Variants in TET2 observed in about 807,000 individuals in gnomAD.
TET2 encodes methylcytosine dioxygenase TET2.
In TET2, 299 loss-of-function variants were observed where a neutral mutation model predicts 142.9. The ratio of observed to expected loss-of-function variants is 2.09; its 90% CI spans 1.90 to 2.30. The LOEUF is 2.30. Ranked by LOEUF, TET2 falls within the 30% of genes most tolerant of loss-of-function variation. The pLI is 0.00. For missense variants in TET2, 2,418 were observed against 2,378.0 expected, an observed-to-expected ratio of 1.02 and a Z score of -0.35; for synonymous variants, 819 against 849.0, an observed-to-expected ratio of 0.96 and a Z score of 0.61.
At chr4:105,257,009 T>C (rs1730170520) in intron 6 of TET2, among the ~76,000 whole-genome samples, 1 of 152,242 alleles carries the variant, frequency 6.6e-6, no homozygotes, top group Admixed American at 6.5e-5. Context: ...TATTTGGGCA[T>C]ACATGAAATA....
chr4:105,190,088 G>A (rs1725694676), intron 1 of TET2, among the ~76,000 whole-genome samples: 1 of 152,178 alleles, frequency 6.6e-6, no homozygotes, highest in African/African-American at 2.4e-5. Context: ...ATAAGCCACT[G>A]GCTCTTAAGC....
At position 105,218,717 on chromosome 4, in the gene TET2, A is replaced by G. The variant is rs115100924; in HGVS notation, c.-46-15180A>G. On this transcript the variant is annotated intron_variant, in intron 2 of 10. Coordinates refer to ENST00000380013, the MANE Select transcript of TET2 (RefSeq NM_001127208.3). ...CAGCATTCTTGTTCTGACTGTGTCT[A>G]TGTCCTGTAGGTATATGTCTTGTCT... Among the ~76,000 whole-genome samples, 310 of 152,166 alleles carry G rather than the reference A, an allele frequency of 2.0e-3. 1 individual carries two copies. Among genetic ancestry groups the G allele is most frequent in the African/African-American group, 7.0e-3 (290 of 41,554 alleles).
chr4:105,178,710 A>G (rs1399806290), intron 1 of TET2, among the ~76,000 whole-genome samples: 1 of 152,146 alleles, frequency 6.6e-6, no homozygotes, highest in African/African-American at 2.4e-5. Flanking sequence ...CTGTGAATCA[A>G]TTTTACTGTA....
intron 9 of TET2, 115 bp from the exon 10 acceptor site, chr4:105,272,449 G>C: frequency 1.5e-6 from 1 of 681,292 alleles, no homozygotes; most frequent in South Asian, 2.0e-5. Context: ...CACTGATCTG[G>C]ATCAACTAGG....
intron 2 of TET2, among the ~76,000 whole-genome samples, chr4:105,196,219 G>A (rs939514591): frequency 1.3e-5 from 2 of 149,720 alleles, no homozygotes; most frequent in African/African-American, 5.0e-5. Context: ...CCATTCTTAA[G>A]TGCAAATCTG....
At chr4:105,243,539 G>A (rs1340291216) in intron 5 of TET2, 31 bp from the exon 6 acceptor site, 4 of 1,545,572 alleles carry the variant, frequency 2.6e-6, no homozygotes, top group Admixed American at 2.0e-5. Context: ...TGGGGTGGGG[G>A]GTGTTTGGGA....
chr4:105,174,429 A>G (rs1160360070), intron 1 of TET2, among the ~76,000 whole-genome samples: 1 of 152,200 alleles, frequency 6.6e-6, no homozygotes, highest in African/African-American at 2.4e-5. Flanking sequence ...ACAAGTAAAA[A>G]GCTGAATGAA....
chr4:105,170,109 G>A (rs2023841), intron 1 of TET2, among the ~76,000 whole-genome samples: 4,903 of 152,192 alleles, frequency 0.032, 250 homozygotes, highest in East Asian at 0.19. Flanking sequence ...CTAATTCTGT[G>A]AAGAATGATG....
intron 1 of TET2, among the ~76,000 whole-genome samples, chr4:105,155,919 G>T (rs543451238): frequency 1.3e-5 from 2 of 152,286 alleles, no homozygotes; most frequent in South Asian, 4.1e-4. Context: ...CAAGATAGAT[G>T]CTCATGTTAG....
intron 3 of TET2, 61 bp downstream of exon 3, chr4:105,237,412 C>T: frequency 1.9e-6 from 3 of 1,613,952 alleles, no homozygotes; most frequent in South Asian, 1.1e-5. Flanking sequence ...AATTTATCTT[C>T]AGATATGGGA....
Position 105,235,436 on chromosome 4 carries a change from T to C in TET2, c.1494T>C (p.Val498=). 6.2e-7 allele frequency: 1 copy of C among 1,614,160 alleles called. No homozygotes were observed. The highest frequency in any genetic ancestry group is 8.5e-7 in the Non-Finnish European group (1 of 1,180,022). ...TACAGACTGCAGGGACAATGACTGT[T>C]CCATTGTGTTCTGAGAAAACAAGAC... is the stretch of plus-strand genomic sequence containing the variant. ...NDIQTAGTMT[V]PLCSEKTRPM... The change falls in exon 3 of 11, where the codon GTT becomes GTC. Residue 498 remains valine (V), a synonymous_variant. Coordinates refer to ENST00000380013, the MANE Select transcript of TET2 (RefSeq NM_001127208.3).
At chr4:105,220,611 G>A (rs1727757917) in intron 2 of TET2, among the ~76,000 whole-genome samples, 1 of 152,032 alleles carries the variant, frequency 6.6e-6, no homozygotes, top group Admixed American at 6.6e-5. Context: ...AGGAGCTCAG[G>A]GCTCCTTAAG....
rs774158688 is a variant in TET2 at position 105,235,605 on chromosome 4, C to T, written c.1663C>T (p.Pro555Ser). The part of the protein sequence containing the change: ...DKEQTRDLVP[P>S]TQHYLKPGWI... ...GGAGCAAACACGAGATCTTGTGCCC[C>T]CAACACAGCACTATCTGAAACCAGG... is the stretch of plus-strand genomic sequence containing the variant. Residue 555 changes from proline (P) to serine (S), a missense_variant, in exon 3 of 11, where the codon CCA becomes TCA. Pro to Ser is a moderately conservative substitution (Grantham distance 74). Coordinates refer to ENST00000380013, the MANE Select transcript of TET2 (RefSeq NM_001127208.3). 6.2e-7 allele frequency: 1 copy of T among 1,614,122 alleles called. No individual in the cohort carries two copies. Among genetic ancestry groups the T allele is most frequent in the Admixed American group, 1.7e-5 (1 of 60,018 alleles).
chr4:105,148,576 T>C lies in TET2; in HGVS notation c.-193+1597T>C, dbSNP rs536266660. Among the ~76,000 whole-genome samples, 3 of 152,312 alleles carry C rather than the reference T, an allele frequency of 2.0e-5. No homozygotes were observed. In the East Asian group the frequency reaches 5.8e-4, roughly 29 times the overall value. Reference sequence around the variant, plus strand: ...GAGAAAAGACATTGGTTTGGTTTGGTGTGATACTGTGGGTATTGTTGCCTG... The same window carrying C: ...GAGAAAAGACATTGGTTTGGTTTGGCGTGATACTGTGGGTATTGTTGCCTG... On this transcript the variant is annotated intron_variant, in intron 1 of 10. Transcript: ENST00000380013.
intron 6 of TET2, among the ~76,000 whole-genome samples, chr4:105,249,026 A>G (rs1729728878): frequency 7.6e-6 from 1 of 131,042 alleles, no homozygotes; most frequent in Admixed American, 8.5e-5. Flanking sequence ...GTCCACGTAT[A>G]TATTCACACC....
rs1194231455 is a variant in TET2, at chr4:105,276,510, A to T, written c.6000A>T (p.Arg2000Ser). 2.8e-5 allele frequency: 43 copies of T among 1,548,304 alleles called. No individual in the cohort carries two copies. The Middle Eastern group carries it at 5.0e-4, about 18-fold the overall frequency. The stretch of plus-strand genomic sequence containing the variant: ...CTCGGGTCACAGGGCCTTACAACAG[A>T]TATATATGATATCACCCCCTTTTGT... ...AFTRVTGPYN[R>S]YI Residue 2000 changes from arginine (R) to serine (S), a missense_variant, in exon 11 of 11, where the codon AGA becomes AGT. Transcript: ENST00000380013.
At chr4:105,260,369 T>C (rs1730362526) in intron 7 of TET2, among the ~76,000 whole-genome samples, 1 of 152,092 alleles carries the variant, frequency 6.6e-6, no homozygotes, top group Non-Finnish European at 1.5e-5. Context: ...GTCTAGAGTA[T>C]AGATACTTCT....
In TET2 at chr4:105,278,171, CATATATATATATAT is replaced by C. The variant is rs61328453; in HGVS notation, c.*1671_*1684del. Reference sequence around the variant, plus strand: ...GTACTGTAAAAAAATTAAATATATACATATATATATATATATATATATATATATATATGAGTTTG... The same window carrying C: ...GTACTGTAAAAAAATTAAATATATACATATATATATATATATATGAGTTTG... On this transcript the variant is annotated 3_prime_UTR_variant, in exon 11 of 11. Transcript: ENST00000380013. 10 of 114,110 alleles carry C rather than the reference CATATATATATATAT, an allele frequency of 8.8e-5. No individual in the cohort carries two copies. The highest frequency in any genetic ancestry group is 2.0e-4 in the African/African-American group (5 of 24,426). The allele number at this position is 114,110 out of a possible 1,614,324, so 7.1% of individuals were successfully genotyped here.
intron 2 of TET2, among the ~76,000 whole-genome samples, chr4:105,226,797 T>A (rs1728221312): frequency 6.6e-6 from 1 of 152,160 alleles, no homozygotes; most frequent in Non-Finnish European, 1.5e-5. Flanking sequence ...CATGAGCCAA[T>A]TAAACCTATT....
Sources: gnomAD v4.1 joint callset for allele counts (sites outside exome capture counted in the v4.1 genomes callset) on GRCh38, gnomAD v4.1.1 for gene constraint, MANE v1.5 for transcripts, NCBI Gene and HGNC (gene_info 2026-07-23, HGNC 2026-07-21) for gene names.